NALF1: variants seen among roughly 807,000 people sequenced by gnomAD.
NALF1 encodes the protein NALCN channel auxiliary factor 1.
In NALF1, 3 loss-of-function variants were observed where a neutral mutation model predicts 48.4. That is an observed-to-expected ratio of 0.06 (90% confidence interval 0.03 to 0.16). The LOEUF is 0.16. NALF1 is among the 10% of genes least tolerant of loss of function. The pLI is 1.00. For missense variants in NALF1, 526 were observed against 571.5 expected (o/e 0.92, Z 0.81); for synonymous variants, 262 against 245.7 (o/e 1.07, Z -0.62).
intron 1 of NALF1, among the ~76,000 whole-genome samples, chr13:107,228,775 C>T (rs1181493037): frequency 1.3e-5 from 2 of 152,218 alleles, no homozygotes. Flanking sequence ...CATGCGCCAC[C>T]ACACCCGGCT....
At chr13:107,323,113 G>A (rs984632464) in intron 1 of NALF1, among the ~76,000 whole-genome samples, 4 of 152,038 alleles carry the variant, frequency 2.6e-5, no homozygotes, top group African/African-American at 9.7e-5. Context: ...TGACAAGCAA[G>A]GACCAGTTAA....
chr13:107,298,652 G>T (rs566316306), intron 1 of NALF1, among the ~76,000 whole-genome samples: 1 of 151,792 alleles, frequency 6.6e-6, no homozygotes, highest in African/African-American at 2.4e-5. Flanking sequence ...GGCTTGTCTC[G>T]AACTCCTGAC....
chr13:107,856,573 CAG>C (rs1220411895), intron 1 of NALF1, among the ~76,000 whole-genome samples: 2 of 151,994 alleles, frequency 1.3e-5, no homozygotes, highest in African/African-American at 4.8e-5. Context: ...GGATAGGAAT[CAG>C]AGAAATAATT....
At chr13:107,219,094 G>A (rs1360478503) in intron 1 of NALF1, among the ~76,000 whole-genome samples, 3 of 152,172 alleles carry the variant, frequency 2.0e-5, no homozygotes, top group Non-Finnish European at 4.4e-5. Flanking sequence ...GATGGTGGGA[G>A]CTCTGCTGTG....
intron 1 of NALF1, among the ~76,000 whole-genome samples, chr13:107,424,643 T>C (rs1258137341): frequency 6.6e-6 from 1 of 152,068 alleles, no homozygotes; most frequent in Non-Finnish European, 1.5e-5. Flanking sequence ...AGGAGAGCAA[T>C]GACAGTCACT....
intron 1 of NALF1, among the ~76,000 whole-genome samples, chr13:107,228,540 CA>C (rs1405150744): frequency 6.6e-6 from 1 of 152,166 alleles, no homozygotes; most frequent in Non-Finnish European, 1.5e-5. Context: ...AAACATATGC[CA>C]AGAAATAATT....
At chr13:107,242,086 C>T (rs1332697305) in intron 1 of NALF1, among the ~76,000 whole-genome samples, 1 of 152,200 alleles carries the variant, frequency 6.6e-6, no homozygotes, top group African/African-American at 2.4e-5. Flanking sequence ...TTATTCACTG[C>T]CCTCTACTTT....
chr13:107,310,366 T>C (rs1882020674), intron 1 of NALF1, among the ~76,000 whole-genome samples: 1 of 148,616 alleles, frequency 6.7e-6, no homozygotes. Context: ...GGCAAGATCA[T>C]GCCACTGCAC....
rs540742082 is a variant in NALF1 at position 107,165,705 on chromosome 13, A to G, written c.*4792T>C. The G allele has an allele frequency of 5.9e-5, 9 of 152,190 alleles. No individual in the cohort carries two copies. Among genetic ancestry groups the G allele is most frequent in the African/African-American group, 2.2e-4 (9 of 41,530 alleles). The allele number at this position is 152,190 out of a possible 1,614,324, so 9.4% of individuals were successfully genotyped here. On this transcript the variant is annotated 3_prime_UTR_variant, in exon 3 of 3. Transcript: ENST00000375915. The stretch of plus-strand genomic sequence containing the variant: ...CATTGCTTGAAAACTATACTTAGTT[A>G]TTTTCCTTCCCCCCCACTGAAAGTC...
chr13:107,342,797 C>G (rs1882705890), intron 1 of NALF1, among the ~76,000 whole-genome samples: 2 of 152,028 alleles, frequency 1.3e-5, no homozygotes, highest in African/African-American at 4.8e-5. Flanking sequence ...CCATAGAAAA[C>G]AAGAGTCAAT....
intron 1 of NALF1, among the ~76,000 whole-genome samples, chr13:107,853,925 C>T (rs1366948851): frequency 6.6e-6 from 1 of 152,182 alleles, no homozygotes; most frequent in East Asian, 1.9e-4. Flanking sequence ...GTAAGGACAA[C>T]AAAATACTAA....
At chr13:107,732,263 ATAATATGAATACTTATAT>A (rs1003658496) in intron 1 of NALF1, among the ~76,000 whole-genome samples, 12 of 152,074 alleles carry the variant, frequency 7.9e-5, no homozygotes, top group African/African-American at 2.9e-4. Context: ...GCTATACTCT[ATAATATGAATACTTATAT>A]ATAAAACAAT....
At chr13:107,840,629 A>T (rs1441121667) in intron 1 of NALF1, among the ~76,000 whole-genome samples, 1 of 152,194 alleles carries the variant, frequency 6.6e-6, no homozygotes, top group African/African-American at 2.4e-5. Flanking sequence ...GCAGCTGCAA[A>T]TTAGTTTCGG....
In NALF1 at chr13:107,509,870, A is replaced by G. The variant is rs146217996; in HGVS notation, c.916-299115T>C. On this transcript the variant is annotated intron_variant, in intron 1 of 2. Coordinates refer to ENST00000375915, the MANE Select transcript of NALF1 (RefSeq NM_001080396.3). ...ACCCAGGCTTGAGTGCAGTGGTGCAATCTCAGCTCACTGCATCCTCCACTT... is the reference window on the plus strand; with the variant it reads ...ACCCAGGCTTGAGTGCAGTGGTGCAGTCTCAGCTCACTGCATCCTCCACTT... Among the ~76,000 whole-genome samples the G allele has an allele frequency of 5.3e-3, 808 of 152,144 alleles. 4 individuals carry two copies. The highest frequency in any genetic ancestry group is 0.015 in the African/African-American group (640 of 41,516).
chr13:107,865,991 C>T lies in NALF1; in HGVS notation c.606G>A (p.Gly202=), dbSNP rs765937677. ...ARNWSRGAAG[G]DGQEVRSKHP... is the part of the protein sequence containing the mutation. ...GCTTGCTCCTCACCTCCTGCCCGTC[C>T]CCCCCGGCCGCCCCCCGACTCCAGT... is the stretch of plus-strand genomic sequence containing the variant. Residue 202 remains glycine, a synonymous_variant, in exon 1 of 3, where the codon GGG becomes GGA. Coordinates refer to ENST00000375915, the MANE Select transcript of NALF1 (RefSeq NM_001080396.3). 6.2e-7 allele frequency: 1 copy of T among 1,612,432 alleles called. No homozygotes were observed. Among genetic ancestry groups the T allele is most frequent in the Admixed American group, 1.7e-5 (1 of 60,016 alleles).
At chr13:107,234,826 C>G (rs933619931) in intron 1 of NALF1, among the ~76,000 whole-genome samples, 1 of 152,210 alleles carries the variant, frequency 6.6e-6, no homozygotes, top group African/African-American at 2.4e-5. Flanking sequence ...TATGACATCT[C>G]TATTTTTGGT....
At chr13:107,688,727 G>C (rs1881497759) in intron 1 of NALF1, among the ~76,000 whole-genome samples, 1 of 152,162 alleles carries the variant, frequency 6.6e-6, no homozygotes, top group Non-Finnish European at 1.5e-5. Flanking sequence ...TCATGTCGAA[G>C]CAGTCCTACC....
intron 1 of NALF1, among the ~76,000 whole-genome samples, chr13:107,755,875 T>C (rs891213716): frequency 6.6e-6 from 1 of 152,158 alleles, no homozygotes; most frequent in Non-Finnish European, 1.5e-5. Context: ...GCAAGCTTAT[T>C]TGCCCTCATA....
intron 1 of NALF1, among the ~76,000 whole-genome samples, chr13:107,641,991 T>A (rs981191334): frequency 6.6e-6 from 1 of 152,168 alleles, no homozygotes; most frequent in African/African-American, 2.4e-5. Flanking sequence ...TCCAGGTGAC[T>A]GCAATGTGCA....
Sources: gnomAD v4.1 joint callset for allele counts (sites outside exome capture counted in the v4.1 genomes callset) on GRCh38, gnomAD v4.1.1 for gene constraint, MANE v1.5 for transcripts, NCBI Gene and HGNC (gene_info 2026-07-23, HGNC 2026-07-21) for gene names.